KCNK10: variants seen among roughly 807,000 people sequenced by gnomAD.
KCNK10 encodes the protein potassium two pore domain channel subfamily K member 10.
KCNK10 carries 25 observed loss-of-function variants against 47.7 expected under a neutral mutation model. The ratio of observed to expected loss-of-function variants is 0.52; its 90% CI spans 0.38 to 0.73. KCNK10 has a LOEUF of 0.73. KCNK10 is among the 30% of genes least tolerant of loss of function. The pLI is 0.00. For synonymous variants in KCNK10, 303 were observed against 285.6 expected (o/e 1.06, Z -0.61); for missense variants, 563 against 714.5 (o/e 0.79, Z 2.42).
intron 3 of KCNK10, among the ~76,000 whole-genome samples, chr14:88,230,664 C>G (rs192046100): frequency 2.6e-5 from 4 of 152,158 alleles, no homozygotes; most frequent in Non-Finnish European, 5.9e-5. Flanking sequence ...ACAGGGCCCA[C>G]GCTTAGATGG....
intron 1 of KCNK10, among the ~76,000 whole-genome samples, chr14:88,299,911 T>C (rs369743639): frequency 1.3e-5 from 2 of 152,212 alleles, no homozygotes; most frequent in East Asian, 1.9e-4. Context: ...GAAGATGGCA[T>C]AGGAAAGGCC....
intron 2 of KCNK10, among the ~76,000 whole-genome samples, chr14:88,245,436 G>A (rs1052380774): frequency 3.3e-5 from 5 of 152,148 alleles, no homozygotes; most frequent in Non-Finnish European, 5.9e-5. Context: ...AAAGAGAGGA[G>A]GAGGAGGTAA....
intron 2 of KCNK10, among the ~76,000 whole-genome samples, chr14:88,243,056 C>T (rs1199164481): frequency 2.6e-5 from 4 of 152,098 alleles, no homozygotes; most frequent in Non-Finnish European, 5.9e-5. Flanking sequence ...ACAATGGGGA[C>T]GATGATTTGT....
chr14:88,292,060 G>T (rs1297682174), intron 1 of KCNK10, among the ~76,000 whole-genome samples: 2 of 152,178 alleles, frequency 1.3e-5, no homozygotes, highest in Non-Finnish European at 2.9e-5. Flanking sequence ...TCACAGGGTG[G>T]CCAAGAACTC....
At chr14:88,226,307 C>A (rs1466664424) in intron 4 of KCNK10, among the ~76,000 whole-genome samples, 1 of 152,142 alleles carries the variant, frequency 6.6e-6, no homozygotes, top group East Asian at 1.9e-4. Context: ...TGAAACTGCT[C>A]ATCTGAAAGC....
intron 1 of KCNK10, among the ~76,000 whole-genome samples, chr14:88,316,740 C>T (rs563697096): frequency 6.6e-6 from 1 of 152,322 alleles, no homozygotes; most frequent in South Asian, 2.1e-4. Flanking sequence ...ACTGAAACTT[C>T]CTAACTGGCT....
intron 2 of KCNK10, among the ~76,000 whole-genome samples, chr14:88,241,488 T>G (rs1194545940): frequency 6.7e-6 from 1 of 150,154 alleles, no homozygotes; most frequent in African/African-American, 2.4e-5. Flanking sequence ...CATTCCACTC[T>G]CCCCCACCCC....
At chr14:88,207,931 T>G (rs1885334958) in intron 4 of KCNK10, among the ~76,000 whole-genome samples, 1 of 152,056 alleles carries the variant, frequency 6.6e-6, no homozygotes, top group African/African-American at 2.4e-5. Flanking sequence ...AGGAGGAGGG[T>G]ACAGACATTG....
At chr14:88,259,915 G>A (rs976873521) in intron 2 of KCNK10, among the ~76,000 whole-genome samples, 1 of 152,152 alleles carries the variant, frequency 6.6e-6, no homozygotes, top group Non-Finnish European at 1.5e-5. Context: ...TAGTGAGTGA[G>A]TTCTCATGAA....
At chr14:88,232,032 T>C (rs760776054) in intron 3 of KCNK10, among the ~76,000 whole-genome samples, 8 of 152,174 alleles carry the variant, frequency 5.3e-5, no homozygotes, top group Non-Finnish European at 1.2e-4. Flanking sequence ...GGAAAGAAAT[T>C]TGGCAAGCCT....
chr14:88,268,312 G>A (rs1029428260), intron 1 of KCNK10, among the ~76,000 whole-genome samples: 4 of 152,206 alleles, frequency 2.6e-5, no homozygotes, highest in African/African-American at 9.6e-5. Flanking sequence ...CGTACCCGCA[G>A]TGCAAGCCCA....
At chr14:88,253,084 A>T (rs2139906455) in intron 2 of KCNK10, among the ~76,000 whole-genome samples, 1 of 152,298 alleles carries the variant, frequency 6.6e-6, no homozygotes, top group Admixed American at 6.5e-5. Flanking sequence ...TACCCTCTGT[A>T]AAATGGGGCA....
intron 1 of KCNK10, among the ~76,000 whole-genome samples, chr14:88,310,418 A>G (rs1279548493): frequency 6.6e-6 from 1 of 151,880 alleles, no homozygotes; most frequent in Non-Finnish European, 1.5e-5. Flanking sequence ...AACCAGATGG[A>G]TGAGTGACAA....
chr14:88,243,826 G>A (rs1010313582), intron 2 of KCNK10, among the ~76,000 whole-genome samples: 3 of 151,222 alleles, frequency 2.0e-5, no homozygotes, highest in East Asian at 1.9e-4. Flanking sequence ...GCTCCGTAGC[G>A]GCAATGCCCA....
chr14:88,263,296 T>C lies in KCNK10; in HGVS notation c.308A>G (p.Glu103Gly). The change falls in exon 2 of 7, where the codon GAG becomes GGG. Residue 103 changes from glutamate to glycine, a missense_variant. Glu to Gly is a moderately conservative substitution (Grantham distance 98, BLOSUM62 -2). Transcript: ENST00000319231. ...GGCGATGGTATTCTTCTGGCTGCTC[T>C]CAAAGGGCTGCTCCAATGCCCGGAA... ...LVFRALEQPF[E>G]SSQKNTIALE... The C allele has an allele frequency of 3.1e-6, 5 of 1,614,088 alleles. No homozygotes were observed. Among genetic ancestry groups the C allele is most frequent in the Non-Finnish European group, 4.2e-6 (5 of 1,180,044 alleles).
chr14:88,311,758 G>T (rs1304641497), intron 1 of KCNK10, among the ~76,000 whole-genome samples: 2 of 151,982 alleles, frequency 1.3e-5, no homozygotes, highest in Non-Finnish European at 2.9e-5. Flanking sequence ...CTGAAAAAGG[G>T]GCTACAGGAA....
intron 1 of KCNK10, among the ~76,000 whole-genome samples, chr14:88,267,226 C>T (rs753843101): frequency 1.7e-4 from 26 of 152,218 alleles, no homozygotes; most frequent in Middle Eastern, 3.4e-3. Context: ...TCAGGAGTAC[C>T]GGCACAGATC....
intron 2 of KCNK10, among the ~76,000 whole-genome samples, chr14:88,246,632 T>G (rs567225143): frequency 6.6e-6 from 1 of 152,332 alleles, no homozygotes; most frequent in African/African-American, 2.4e-5. Context: ...AGAGAGGATT[T>G]CTGGGGCCAC....
chr14:88,274,217 C>T (rs995909920), intron 1 of KCNK10, among the ~76,000 whole-genome samples: 1 of 152,054 alleles, frequency 6.6e-6, no homozygotes, highest in African/African-American at 2.4e-5. Context: ...TTCTTCCACA[C>T]ACACTTCTCC....
Sources: gnomAD v4.1 joint callset for allele counts (sites outside exome capture counted in the v4.1 genomes callset) on GRCh38, gnomAD v4.1.1 for gene constraint, MANE v1.5 for transcripts, NCBI Gene and HGNC (gene_info 2026-07-23, HGNC 2026-07-21) for gene names.